NUP58: variants seen among roughly 807,000 people sequenced by gnomAD.
NUP58 encodes the protein nucleoporin p58/p45.
A neutral mutation model predicts 70.1 loss-of-function variants in NUP58; 17 were observed. The ratio of observed to expected loss-of-function variants is 0.24; its 90% confidence interval spans 0.17 to 0.36. NUP58 has a LOEUF of 0.36. Among genes scored for constraint, NUP58 ranks in the 10% least tolerant of loss-of-function variants. NUP58 has a pLI of 1.00. For synonymous variants in NUP58, 275 were observed against 257.6 expected, an observed-to-expected ratio of 1.07 and a Z score of -0.65; for missense variants, 644 against 701.5, an observed-to-expected ratio of 0.92 and a Z score of 0.93.
chr13:25,320,325 C>T (rs1348812922), intron 7 of NUP58: 1 of 420,072 alleles, frequency 2.4e-6, no homozygotes, highest in East Asian at 4.3e-5. Flanking sequence ...ATCTTCATGT[C>T]AGATGAATTG....
chr13:25,349,648 G>T (rs1005124774), exon 4 of NUP58: 1 of 152,608 alleles, frequency 6.6e-6, no homozygotes, highest in Non-Finnish European at 1.5e-5. Context: ...GTTCTGAGCA[G>T]TCCTTGAATC....
intron 9 of NUP58, among the ~76,000 whole-genome samples, chr13:25,322,704 C>T (rs965083242): frequency 1.3e-5 from 2 of 152,154 alleles, no homozygotes; most frequent in Non-Finnish European, 2.9e-5. Flanking sequence ...TGCAGATATT[C>T]CAGAATCAGA....
chr13:25,317,253 C>T (rs1315290693), intron 6 of NUP58, among the ~76,000 whole-genome samples: 1 of 151,702 alleles, frequency 6.6e-6, no homozygotes, highest in African/African-American at 2.4e-5. Flanking sequence ...GATGAGGTTC[C>T]AGAAGTCATG....
chr13:25,305,726 C>A lies in NUP58; in HGVS notation c.108-2080C>A, dbSNP rs180818840. Among the ~76,000 whole-genome samples, 180 of 152,280 alleles carry A rather than the reference C, an allele frequency of 1.2e-3. 2 individuals carry two copies. Among genetic ancestry groups the A allele is most frequent in the Non-Finnish European group, 1.6e-3 (107 of 68,024 alleles). ...CGTTTGGTACTTGATTATAATCTTA[C>A]TTATAGTAATTCTAAACTTACTGAA... On this transcript the variant is annotated intron_variant, in intron 1 of 15. Coordinates refer to ENST00000381736, the MANE Select transcript of NUP58 (RefSeq NM_014089.4).
At chr13:25,343,730 T>G (rs2032008678), downstream of NUP58, among the ~76,000 whole-genome samples, 1 of 151,480 alleles carries the variant, frequency 6.6e-6, no homozygotes, top group African/African-American at 2.4e-5. Context: ...GTGCTGAGAT[T>G]ATAGGCGTGA....
At chr13:25,321,784 G>T (rs1425716002) in intron 9 of NUP58, among the ~76,000 whole-genome samples, 1 of 152,100 alleles carries the variant, frequency 6.6e-6, no homozygotes, top group Non-Finnish European at 1.5e-5. Flanking sequence ...AGGCGTGGTG[G>T]TGCATGCCTA....
chr13:25,335,011 A>G (rs2031731450), intron 13 of NUP58: 1 of 985,172 alleles, frequency 1.0e-6, no homozygotes, highest in Admixed American at 6.2e-5. Context: ...GCTTTCTAAT[A>G]GTGAAACTAA....
chr13:25,335,139 GC>G (rs1328075207), intron 13 of NUP58: 16 of 985,144 alleles, frequency 1.6e-5, no homozygotes, highest in Non-Finnish European at 1.9e-5. Context: ...AAATGATGTT[GC>G]CTTCAGAATT....
At chr13:25,332,728 A>G (rs1593198027) in intron 13 of NUP58, 6 of 985,470 alleles carry the variant, frequency 6.1e-6, no homozygotes, top group Non-Finnish European at 7.2e-6. Context: ...ACCCATGTGA[A>G]TAGTGGCTCG....
chr13:25,321,226 A>C, intron 9 of NUP58, 133 bp downstream of exon 9: 1 of 689,832 alleles, frequency 1.4e-6, no homozygotes, highest in Non-Finnish European at 2.4e-6. Flanking sequence ...AAACCAGATA[A>C]CTCATATACT....
intron 3 of NUP58, among the ~76,000 whole-genome samples, chr13:25,310,266 G>A (rs1256323280): frequency 7.4e-6 from 1 of 135,866 alleles, no homozygotes; most frequent in Non-Finnish European, 1.5e-5. Flanking sequence ...TGTTGCCCAG[G>A]CTGGAGTGCA....
chr13:25,332,557 T>A (rs2031646759), intron 13 of NUP58: 1 of 985,100 alleles, frequency 1.0e-6, no homozygotes, highest in Non-Finnish European at 1.2e-6. Context: ...AATACATATT[T>A]AGATTGCATT....
rs568085925 is a variant in NUP58, at chr13:25,310,054, C to G, written c.286+772C>G. On this transcript the variant is annotated intron_variant, in intron 3 of 15. Transcript: ENST00000381736. ...CTTGTTTTCTTTTTTGCTTTTTTTT[C>G]CCCTATCAGACAGGTTCTTCCTCTG... is the stretch of plus-strand genomic sequence containing the variant. 1.3e-5 allele frequency: 5 copies of G among 393,418 alleles called. No homozygotes were observed. In the East Asian group the frequency reaches 3.4e-4, roughly 26 times the overall value. The allele number at this position is 393,418 out of a possible 1,614,324, so 24.4% of individuals were successfully genotyped here.
intron 13 of NUP58, chr13:25,332,882 A>C: frequency 1.0e-6 from 1 of 985,446 alleles, no homozygotes; most frequent in Non-Finnish European, 1.2e-6. Flanking sequence ...AATTATGACC[A>C]TCAGCTCTCA....
chr13:25,304,612 G>T (rs532482293), intron 1 of NUP58, among the ~76,000 whole-genome samples: 1 of 149,902 alleles, frequency 6.7e-6, no homozygotes, highest in East Asian at 2.0e-4. Context: ...CACCTTACGG[G>T]TTCAAGCAAT....
chr13:25,325,756 T>C (rs1047337646), intron 10 of NUP58, among the ~76,000 whole-genome samples: 1 of 152,192 alleles, frequency 6.6e-6, no homozygotes, highest in African/African-American at 2.4e-5. Flanking sequence ...CTTGTAGAGA[T>C]GCCATTTCAC....
intron 7 of NUP58, among the ~76,000 whole-genome samples, chr13:25,319,859 A>G (rs2031106190): frequency 6.6e-6 from 1 of 152,232 alleles, no homozygotes; most frequent in East Asian, 1.9e-4. Context: ...ATAAATGACA[A>G]ATTCACTCCT....
At position 25,309,325 on chromosome 13, in the gene NUP58, A is replaced by G. The variant is rs953960324; in HGVS notation, c.286+43A>G. On this transcript the variant is annotated intron_variant, in intron 3 of 15. Coordinates refer to ENST00000381736, the MANE Select transcript of NUP58 (RefSeq NM_014089.4). The stretch of plus-strand genomic sequence containing the variant: ...AAGATCCCAGCTCTGTGGTCTTCTA[A>G]TAATTTTAATAAATTGAGTGATCTT... 6 of 1,401,408 alleles carry G rather than the reference A, an allele frequency of 4.3e-6. No individual in the cohort carries two copies. In the African/African-American group the frequency reaches 8.6e-5, roughly 20 times the overall value. The allele number at this position is 1,401,408 out of a possible 1,614,324, so 86.8% of individuals were successfully genotyped here. A position where few individuals can be genotyped will look rare whatever the true frequency, so the allele number is the denominator to read the frequency against.
intron 12 of NUP58, among the ~76,000 whole-genome samples, chr13:25,329,505 A>G (rs964962517): frequency 1.3e-5 from 2 of 152,182 alleles, no homozygotes; most frequent in African/African-American, 4.8e-5. Flanking sequence ...TAGACATGAA[A>G]TTTTGACCTA....
Sources: gnomAD v4.1 joint callset for allele counts (sites outside exome capture counted in the v4.1 genomes callset) on GRCh38, gnomAD v4.1.1 for gene constraint, MANE v1.5 for transcripts, NCBI Gene and HGNC (gene_info 2026-07-23, HGNC 2026-07-21) for gene names.